TAF3: variants seen among roughly 807,000 people sequenced by gnomAD.
The protein encoded by TAF3 is TATA-box binding protein associated factor 3.
TAF3 carries 7 observed loss-of-function variants against 80.6 expected under a neutral mutation model. The ratio of observed to expected loss-of-function variants is 0.09; its 90% CI spans 0.05 to 0.16. The LOEUF (loss-of-function observed/expected upper bound fraction) is 0.16, where lower values mean the gene tolerates loss of function less well. TAF3 is among the 10% of genes least tolerant of loss of function. TAF3 has a pLI of 1.00. For synonymous variants in TAF3, 444 were observed against 446.1 expected (o/e 1.00, Z 0.06); for missense variants, 921 against 1,140.2 (o/e 0.81, Z 2.77).
At chr10:7,873,233 T>G (rs1235472322) in intron 2 of TAF3, among the ~76,000 whole-genome samples, 2 of 152,214 alleles carry the variant, frequency 1.3e-5, no homozygotes, top group Non-Finnish European at 2.9e-5. Flanking sequence ...CTTCAAGATT[T>G]TTTTTTTCTA....
intron 4 of TAF3, among the ~76,000 whole-genome samples, chr10:7,994,346 G>A (rs1445121273): frequency 6.6e-6 from 1 of 151,946 alleles, no homozygotes. Flanking sequence ...ATGGTGTTTA[G>A]GAATCATAAT....
intron 1 of TAF3, among the ~76,000 whole-genome samples, chr10:7,819,590 G>C (rs536366447): frequency 4.6e-5 from 7 of 152,268 alleles, no homozygotes; most frequent in African/African-American, 1.7e-4. Flanking sequence ...AGTTTTAAAT[G>C]AATGTCTGGT....
chr10:7,904,265 A>C (rs1488929120), intron 2 of TAF3, among the ~76,000 whole-genome samples: 1 of 152,218 alleles, frequency 6.6e-6, no homozygotes, highest in Non-Finnish European at 1.5e-5. Flanking sequence ...GTAGAGTTCC[A>C]GAGGCCCTGA....
intron 2 of TAF3, among the ~76,000 whole-genome samples, chr10:7,927,054 G>C (rs1382954227): frequency 6.6e-6 from 1 of 152,106 alleles, no homozygotes; most frequent in Non-Finnish European, 1.5e-5. Context: ...CATGACAGTG[G>C]GATAACTAGG....
chr10:7,965,908 A>G (rs1831566673), intron 3 of TAF3, among the ~76,000 whole-genome samples, 166 bp downstream of exon 3: 1 of 152,210 alleles, frequency 6.6e-6, no homozygotes, highest in Non-Finnish European at 1.5e-5. Flanking sequence ...TCTAAAACCC[A>G]TAAACCTGTA....
At chr10:7,934,232 CTAAG>C (rs976620199) in intron 2 of TAF3, among the ~76,000 whole-genome samples, 2 of 152,058 alleles carry the variant, frequency 1.3e-5, no homozygotes, top group Non-Finnish European at 2.9e-5. Flanking sequence ...TTAAGAAAAT[CTAAG>C]TAAGTGTTCA....
chr10:7,855,375 A>T (rs769389459), intron 2 of TAF3, among the ~76,000 whole-genome samples: 25 of 152,316 alleles, frequency 1.6e-4, no homozygotes, highest in Non-Finnish European at 2.9e-4. Flanking sequence ...AACACACCAG[A>T]CCAGAAGGCA....
In TAF3 at chr10:7,915,472, G is replaced by A. The variant is rs867579725; in HGVS notation, c.410-48448G>A. Reference sequence around the variant, plus strand: ...ATCCTGGCTAACACGGTGAAACCCCGTCTCTACTAAAAATACAAAAATTAG... The same window carrying A: ...ATCCTGGCTAACACGGTGAAACCCCATCTCTACTAAAAATACAAAAATTAG... On this transcript the variant is annotated intron_variant, in intron 2 of 6. Coordinates refer to ENST00000344293, the MANE Select transcript of TAF3 (RefSeq NM_031923.4). 6.7e-5 allele frequency among the ~76,000 whole-genome samples: 10 copies of A among 148,474 alleles called. No individual in the cohort carries two copies. In the South Asian group the frequency reaches 2.0e-3, roughly 29 times the overall value.
At chr10:7,937,157 T>A (rs551884071) in intron 2 of TAF3, among the ~76,000 whole-genome samples, 2 of 152,346 alleles carry the variant, frequency 1.3e-5, no homozygotes, top group South Asian at 4.1e-4. Flanking sequence ...GTTTGCAGGT[T>A]TTTGTGGGGA....
chr10:7,984,163 T>C (rs578067983), intron 4 of TAF3, among the ~76,000 whole-genome samples: 3 of 152,310 alleles, frequency 2.0e-5, no homozygotes, highest in Admixed American at 1.3e-4. Context: ...AAAAGGAGTT[T>C]TTGACTTCCT....
rs1301061432 is a variant in TAF3, at chr10:7,964,637, A to C, written c.1127A>C (p.Gln376Pro). ...GCTGGGAAACTGAACAGTGAGAATC[A>C]GCCGAAAAAGGCTGTGGTAGCAGAT... ...PDAGKLNSENQPKKAVVADKT... is the reference protein window; with the variant it reads ...PDAGKLNSENPPKKAVVADKT... The change falls in exon 3 of 7, where the codon CAG becomes CCG. Residue 376 changes from glutamine (Q) to proline (P), a missense_variant. Transcript: ENST00000344293. The surrounding 1 kb of genome is among the most constrained non-coding windows in gnomAD (Gnocchi z 4.1). The C allele has an allele frequency of 6.2e-7, 1 of 1,614,218 alleles. No homozygotes were observed. The highest frequency in any genetic ancestry group is 1.7e-5 in the Admixed American group (1 of 60,022).
chr10:7,935,872 G>A (rs1330673805), intron 2 of TAF3, among the ~76,000 whole-genome samples: 1 of 152,154 alleles, frequency 6.6e-6, no homozygotes, highest in African/African-American at 2.4e-5. Context: ...AGTACAGAGG[G>A]TGTTTATAGA....
chr10:7,835,733 C>T (rs1836845567), intron 2 of TAF3, among the ~76,000 whole-genome samples: 1 of 152,208 alleles, frequency 6.6e-6, no homozygotes, highest in African/African-American at 2.4e-5. Flanking sequence ...CCTGGTGGCC[C>T]TTTTGGGGTT....
intron 1 of TAF3, among the ~76,000 whole-genome samples, chr10:7,823,580 G>T (rs555497749): frequency 3.0e-4 from 46 of 152,060 alleles, no homozygotes; most frequent in African/African-American, 1.1e-3. Flanking sequence ...AGGCAGCAAG[G>T]AGCTGTGATC....
At chr10:7,980,110 TG>T (rs1330252951) in intron 4 of TAF3, among the ~76,000 whole-genome samples, 1 of 151,968 alleles carries the variant, frequency 6.6e-6, no homozygotes, top group East Asian at 1.9e-4. Flanking sequence ...GCACACACCT[TG>T]GGGGGGAATA....
At chr10:8,008,241 T>G (rs1198877139) in intron 4 of TAF3, among the ~76,000 whole-genome samples, 5 of 151,732 alleles carry the variant, frequency 3.3e-5, no homozygotes, top group Non-Finnish European at 7.4e-5. Context: ...GAATTACAGG[T>G]GCACGCCACT....
rs551900113 is a variant in TAF3 at position 7,818,598 on chromosome 10, C to G, written c.-112C>G. 2 of 1,259,008 alleles carry G rather than the reference C, an allele frequency of 1.6e-6. No individual in the cohort carries two copies. The highest frequency in any genetic ancestry group is 2.1e-6 in the Non-Finnish European group (2 of 953,922). The allele number at this position is 1,259,008 out of a possible 1,614,324, so 78.0% of individuals were successfully genotyped here. On this transcript the variant is annotated 5_prime_UTR_variant, in exon 1 of 7. Transcript: ENST00000344293. ...AGGTGGTCGCCGGGGGTCCGGGGGA[C>G]CCTTTCCCCGCCGCGGAAGCCCTAG...
At chr10:7,866,326 G>A (rs1438039754) in intron 2 of TAF3, among the ~76,000 whole-genome samples, 1 of 152,188 alleles carries the variant, frequency 6.6e-6, no homozygotes, top group Non-Finnish European at 1.5e-5. Context: ...ATAAGAAGAT[G>A]AGAGATGAGG....
chr10:7,901,668 G>A (rs1220924103), intron 2 of TAF3, among the ~76,000 whole-genome samples: 2 of 152,154 alleles, frequency 1.3e-5, no homozygotes, highest in African/African-American at 4.8e-5. Flanking sequence ...TGTGTATTTA[G>A]TGTTGGAATT....
Sources: allele counts gnomAD v4.1 joint callset (sites outside exome capture counted in the v4.1 genomes callset), GRCh38; gene constraint gnomAD v4.1.1; non-coding constraint Gnocchi (gnomAD v3.1); transcripts MANE v1.5; gene names NCBI Gene and HGNC (gene_info 2026-07-23, HGNC 2026-07-21).